VPS35L: variants seen among roughly 807,000 people sequenced by gnomAD.
VPS35L encodes the protein VPS35 endosomal protein sorting factor like, also known as VPS35 endosomal protein-sorting factor-like.
In VPS35L, 83 loss-of-function variants were observed where a neutral mutation model predicts 133.0. The ratio of observed to expected loss-of-function variants is 0.62; its 90% CI spans 0.52 to 0.75. The LOEUF is 0.75. Among genes scored for constraint, VPS35L ranks in the 30% least tolerant of loss-of-function variants. The pLI is 0.00. For missense variants in VPS35L, 1,083 were observed against 1,206.8 expected, an observed-to-expected ratio of 0.90 and a Z score of 1.52; for synonymous variants, 423 against 449.9, an observed-to-expected ratio of 0.94 and a Z score of 0.76.
chr16:19,643,056 A>G (rs529156804), intron 22 of VPS35L, among the ~76,000 whole-genome samples: 18 of 152,352 alleles, frequency 1.2e-4, no homozygotes, highest in Non-Finnish European at 1.9e-4. Context: ...TTACTGGAAA[A>G]TGTTACAAGA....
intron 27 of VPS35L, among the ~76,000 whole-genome samples, chr16:19,675,486 C>T (rs757086311): frequency 2.0e-5 from 3 of 152,030 alleles, no homozygotes; most frequent in Non-Finnish European, 4.4e-5. Context: ...TGGATATGTA[C>T]CCAGAAGTAG....
chr16:19,601,571 G>T, intron 8 of VPS35L, 93 bp from the exon 9 acceptor site: 1 of 1,267,212 alleles, frequency 7.9e-7, no homozygotes. Context: ...CTGTCTGGGC[G>T]ATGATAGCTC....
At chr16:19,667,682 C>T (rs1389628722) in intron 26 of VPS35L, among the ~76,000 whole-genome samples, 3 of 146,664 alleles carry the variant, frequency 2.0e-5, no homozygotes, top group South Asian at 2.2e-4. Flanking sequence ...TGCAGTGAGT[C>T]GAGATCACAC....
chr16:19,641,169 A>G (rs1305599906), intron 21 of VPS35L, among the ~76,000 whole-genome samples: 1 of 152,046 alleles, frequency 6.6e-6, no homozygotes, highest in East Asian at 1.9e-4. Flanking sequence ...GGTTCAAGCA[A>G]TTCTCCTGCC....
chr16:19,656,293 G>GAAA, intron 26 of VPS35L, among the ~76,000 whole-genome samples: 1 of 147,566 alleles, frequency 6.8e-6, no homozygotes, highest in South Asian at 2.1e-4. Context: ...AAAGAAAAAA[G>GAAA]AAAATGGGGG....
chr16:19,657,809 C>A lies in VPS35L; in HGVS notation c.2221+5719C>A, dbSNP rs141588916. On this transcript the variant is annotated intron_variant, in intron 26 of 30. Coordinates refer to ENST00000417362, the MANE Select transcript of VPS35L (RefSeq NM_020314.7). ...GAGAAAAATAGTTTTCACACATTTA[C>A]CAGGTCTTGGCGATTTATGTTTAAG... is the stretch of plus-strand genomic sequence containing the variant. Among the ~76,000 whole-genome samples, 9 of 152,260 alleles carry A rather than the reference C, an allele frequency of 5.9e-5. No homozygotes were observed. In the East Asian group the frequency reaches 1.7e-3, roughly 29 times the overall value.
chr16:19,645,029 C>A, intron 23 of VPS35L, 80 bp downstream of exon 23: 1 of 979,388 alleles, frequency 1.0e-6, no homozygotes, highest in Non-Finnish European at 1.6e-6. Flanking sequence ...AAGCAGTTAA[C>A]ATTATGTTCT....
At chr16:19,578,962 C>A in intron 5 of VPS35L, 90 bp from the exon 6 acceptor site, 1 of 1,036,444 alleles carries the variant, frequency 9.6e-7, no homozygotes, top group Non-Finnish European at 1.5e-6. Flanking sequence ...TGTCTTTATT[C>A]ACGATGAAGT....
intron 29 of VPS35L, among the ~76,000 whole-genome samples, chr16:19,698,278 T>C (rs562742340): frequency 4.3e-4 from 66 of 152,292 alleles, no homozygotes; most frequent in African/African-American, 1.5e-3. Flanking sequence ...TCTGTGTTTC[T>C]CAGCTCATGG....
intron 28 of VPS35L, among the ~76,000 whole-genome samples, chr16:19,685,051 CAAA>C (rs10709905): frequency 4.3e-5 from 5 of 116,750 alleles, no homozygotes; most frequent in Non-Finnish European, 7.4e-5. Flanking sequence ...GACTCCATCT[CAAA>C]AAAAAAAAAA....
At chr16:19,655,863 G>A (rs189141970) in intron 26 of VPS35L, among the ~76,000 whole-genome samples, 11 of 152,264 alleles carry the variant, frequency 7.2e-5, no homozygotes, top group Admixed American at 5.9e-4. Context: ...GTTTGTCAAT[G>A]GCTCTTTCTA....
At chr16:19,651,265 C>T (rs1974113896) in intron 25 of VPS35L, among the ~76,000 whole-genome samples, 2 of 149,972 alleles carry the variant, frequency 1.3e-5, no homozygotes, top group Non-Finnish European at 3.0e-5. Flanking sequence ...ATTTATTTAG[C>T]TATTCATTCA....
chr16:19,608,374 T>C, intron 10 of VPS35L, 100 bp downstream of exon 10: 2 of 943,478 alleles, frequency 2.1e-6, no homozygotes, highest in East Asian at 2.4e-5. Flanking sequence ...GACATTCTTA[T>C]TGAAAGTTTG....
intron 5 of VPS35L, among the ~76,000 whole-genome samples, chr16:19,575,763 T>C (rs1378441577): frequency 6.6e-6 from 1 of 151,510 alleles, no homozygotes; most frequent in Non-Finnish European, 1.5e-5. Context: ...CATAGGAGGC[T>C]GAGGCAGGAG....
chr16:19,699,430 C>T lies in VPS35L; in HGVS notation c.2647-72C>T. The T allele has an allele frequency of 6.3e-7, 1 of 1,577,342 alleles. No homozygotes were observed. Among genetic ancestry groups the T allele is most frequent in the Non-Finnish European group, 8.7e-7 (1 of 1,155,968 alleles). On this transcript the variant is annotated intron_variant, in intron 29 of 30. Coordinates refer to ENST00000417362, the MANE Select transcript of VPS35L (RefSeq NM_020314.7). The surrounding 1 kb of genome is among the most constrained non-coding windows in gnomAD (Gnocchi z 4.2). Reference sequence around the variant, plus strand: ...GGCATGACCTACCCCAGAGTCAGCACTGTCCACAGCATCTCTGCGGGGCAC... The same window carrying T: ...GGCATGACCTACCCCAGAGTCAGCATTGTCCACAGCATCTCTGCGGGGCAC...
chr16:19,644,886 T>G lies in VPS35L; in HGVS notation c.1866T>G (p.Asn622Lys), dbSNP rs777294479. Residue 622 changes from asparagine (N) to lysine (K), a missense_variant and splice_region_variant, in exon 23 of 31, where the codon AAT becomes AAG. Coordinates refer to ENST00000417362, the MANE Select transcript of VPS35L (RefSeq NM_020314.7). ...HVCKTMHDSVNALTLEDEKRM... is the reference protein window; with the variant it reads ...HVCKTMHDSVKALTLEDEKRM... ...AATTATGTACAATTATTGATTTTAGTGCACTCACTCTTGAGGATGAGAAAA... is the reference window on the plus strand; with the variant it reads ...AATTATGTACAATTATTGATTTTAGGGCACTCACTCTTGAGGATGAGAAAA... 32 of 1,591,952 alleles carry G rather than the reference T, an allele frequency of 2.0e-5. No homozygotes were observed. In the Admixed American group the frequency reaches 5.4e-4, roughly 27 times the overall value.
chr16:19,649,150 G>A (rs1167290551), intron 24 of VPS35L, among the ~76,000 whole-genome samples: 11 of 151,762 alleles, frequency 7.2e-5, no homozygotes, highest in African/African-American at 9.7e-5. Flanking sequence ...CACCATGCCC[G>A]GCTAATTCTT....
intron 26 of VPS35L, among the ~76,000 whole-genome samples, chr16:19,652,876 T>C (rs1974178500): frequency 6.6e-6 from 1 of 152,216 alleles, no homozygotes; most frequent in Non-Finnish European, 1.5e-5. Flanking sequence ...CTTTCCGTAC[T>C]AGACACCAAA....
At chr16:19,698,585 C>T (rs1419840500) in intron 29 of VPS35L, among the ~76,000 whole-genome samples, 2 of 152,136 alleles carry the variant, frequency 1.3e-5, no homozygotes, top group African/African-American at 2.4e-5. Flanking sequence ...GTACCTGCCA[C>T]GGAGCTGTCA....
Sources: gnomAD v4.1 joint callset for allele counts (sites outside exome capture counted in the v4.1 genomes callset) on GRCh38, gnomAD v4.1.1 for gene constraint, Gnocchi (gnomAD v3.1) non-coding constraint, MANE v1.5 for transcripts, NCBI Gene and HGNC (gene_info 2026-07-23, HGNC 2026-07-21) for gene names.